The following GALNT9 variants were observed in gnomAD, a reference collection of about 807,000 sequenced individuals.
GALNT9 encodes the protein GalNAc transferase 9.
Under a neutral mutation model 63.1 loss-of-function variants are expected in GALNT9, and 47 were observed. The observed-to-expected ratio is 0.75, with a 90% CI of 0.59 to 0.95. The LOEUF (loss-of-function observed/expected upper bound fraction) is 0.95, where lower values mean the gene tolerates loss of function less well. Ranked by LOEUF, GALNT9 falls within the 40% of genes least tolerant of loss-of-function variation. The pLI, the probability that GALNT9 is intolerant of heterozygous loss-of-function variation, is 0.00. For synonymous variants in GALNT9, 396 were observed against 365.7 expected (o/e 1.08, Z -0.94); for missense variants, 829 against 874.8 (o/e 0.95, Z 0.66).
intron 1 of GALNT9, among the ~76,000 whole-genome samples, chr12:132,314,397 A>AGC (rs1294543882): frequency 6.6e-6 from 1 of 152,090 alleles, no homozygotes. Context: ...CACTCTGCCA[A>AGC]GCGCTTCATA....
chr12:132,249,573 G>T (rs1028114834), intron 5 of GALNT9, among the ~76,000 whole-genome samples: 1 of 152,176 alleles, frequency 6.6e-6, no homozygotes, highest in Admixed American at 6.5e-5. Flanking sequence ...CTTTGATTGG[G>T]TAAGTTATAG....
rs1869103584 is a variant in GALNT9 at position 132,327,842 on chromosome 12, C to A, written c.238+1124G>T. Among the ~76,000 whole-genome samples, 1 of 151,262 alleles carries A rather than the reference C, an allele frequency of 6.6e-6. No individual in the cohort carries two copies. The highest frequency in any genetic ancestry group is 2.1e-4 in the South Asian group (1 of 4,734). The stretch of plus-strand genomic sequence containing the variant: ...CACCCCACGGCCTGTCTGCAGCCCA[C>A]CCTCAAGAGAGGGTGTGGCTCCTGA... On this transcript the variant is annotated intron_variant, in intron 1 of 10. Coordinates refer to ENST00000328957, the MANE Select transcript of GALNT9 (RefSeq NM_001122636.2). This position sits in a 1 kb window ranked among gnomAD's most constrained non-coding sequence, Gnocchi z 4.3.
rs116853949 is a variant in GALNT9, at chr12:132,216,941, T to C, written c.1078-13251A>G. Among the ~76,000 whole-genome samples, 728 of 152,364 alleles carry C rather than the reference T, an allele frequency of 4.8e-3. 2 individuals are homozygous for C. The highest frequency in any genetic ancestry group is 7.8e-3 in the Non-Finnish European group (528 of 68,036). ...ATAGGTTTAGCTGTGTGACGAACTG[T>C]GTGTTTCCTTTTGGGTGTTGTGATC... On this transcript the variant is annotated intron_variant, in intron 6 of 10. Transcript: ENST00000328957.
intron 2 of GALNT9, among the ~76,000 whole-genome samples, chr12:132,270,686 C>T (rs908923136): frequency 4.7e-5 from 7 of 150,036 alleles, no homozygotes; most frequent in South Asian, 2.1e-4. Flanking sequence ...ACAGCCACAG[C>T]CATGGCCACA....
At chr12:132,298,731 T>C (rs1342161114) in intron 1 of GALNT9, among the ~76,000 whole-genome samples, 3 of 140,918 alleles carry the variant, frequency 2.1e-5, no homozygotes, top group South Asian at 2.3e-4. Context: ...CCCACTCCCA[T>C]GATAACTAAC....
chr12:132,292,855 T>C (rs997653140), intron 1 of GALNT9, among the ~76,000 whole-genome samples: 8 of 152,186 alleles, frequency 5.3e-5, no homozygotes, highest in African/African-American at 1.9e-4. Context: ...GGGACACTCA[T>C]GAGAGCTGTG....
intron 1 of GALNT9, among the ~76,000 whole-genome samples, chr12:132,307,379 A>T (rs1555244741): frequency 6.6e-6 from 1 of 152,154 alleles, no homozygotes; most frequent in East Asian, 1.9e-4. Flanking sequence ...TGGGATAAAT[A>T]ACCGATTCCA....
intron 6 of GALNT9, among the ~76,000 whole-genome samples, chr12:132,221,074 G>T (rs1877425118): frequency 9.0e-6 from 1 of 110,836 alleles, no homozygotes; most frequent in Admixed American, 1.1e-4. Flanking sequence ...AAAAAAAAAG[G>T]TCTGGGCGCG....
At chr12:132,207,915 C>A (rs562081949) in intron 6 of GALNT9, among the ~76,000 whole-genome samples, 17 of 152,184 alleles carry the variant, frequency 1.1e-4, no homozygotes, top group East Asian at 1.9e-4. Flanking sequence ...GCCCCCACCC[C>A]CCACCACGAC....
At chr12:132,209,288 A>G (rs1876853729) in intron 6 of GALNT9, among the ~76,000 whole-genome samples, 2 of 152,160 alleles carry the variant, frequency 1.3e-5, no homozygotes, top group Admixed American at 1.3e-4. Flanking sequence ...GCAGTTTGGG[A>G]GGCTGAGGTG....
chr12:132,234,677 C>T (rs1330489191), intron 6 of GALNT9, among the ~76,000 whole-genome samples: 2 of 17,976 alleles, frequency 1.1e-4, no homozygotes, highest in Non-Finnish European at 9.3e-5. Flanking sequence ...CACTCGATGG[C>T]GTGAGAGAGG....
At chr12:132,223,103 A>G (rs1877531908) in intron 6 of GALNT9, among the ~76,000 whole-genome samples, 1 of 84,360 alleles carries the variant, frequency 1.2e-5, no homozygotes, top group African/African-American at 4.9e-5. Context: ...CACACCCTAC[A>G]CAACTCGCAC....
chr12:132,224,951 C>T (rs1053465949), intron 6 of GALNT9, among the ~76,000 whole-genome samples: 2 of 149,910 alleles, frequency 1.3e-5, no homozygotes, highest in Non-Finnish European at 3.0e-5. Flanking sequence ...ACACCCCACA[C>T]ACTGTACATA....
intron 6 of GALNT9, among the ~76,000 whole-genome samples, chr12:132,224,689 C>G (rs1230286169): frequency 1.2e-5 from 1 of 86,620 alleles, no homozygotes; most frequent in Non-Finnish European, 2.5e-5. Flanking sequence ...CACTACACAC[C>G]CCACACACTG....
chr12:132,201,600 T>G (rs1157432972), intron 7 of GALNT9, among the ~76,000 whole-genome samples: 1 of 152,074 alleles, frequency 6.6e-6, no homozygotes, highest in South Asian at 2.1e-4. Flanking sequence ...CTGCACGGCA[T>G]CAGCCTGACC....
chr12:132,309,212 CG>C (rs1487585712), intron 1 of GALNT9, among the ~76,000 whole-genome samples: 1 of 152,218 alleles, frequency 6.6e-6, no homozygotes, highest in Non-Finnish European at 1.5e-5. Context: ...TCCACTTCCT[CG>C]GGAGGATCCA....
chr12:132,201,381 G>C, intron 7 of GALNT9, 120 bp from the exon 8 acceptor site: 1 of 652,028 alleles, frequency 1.5e-6, no homozygotes, highest in Non-Finnish European at 2.7e-6. Context: ...CTCCCCCCCA[G>C]TATTCAGATG....
rs61745412 is a variant in GALNT9 at position 132,199,225 on chromosome 12, C to T, written c.1446G>A (p.Ala482=). ...AGAGGATCGCCCGGTCGCCGTCCTCCGCTCCCTGGTCCAGACAGTAGGCAC... is the reference window on the plus strand; with the variant it reads ...AGAGGATCGCCCGGTCGCCGTCCTCTGCTCCCTGGTCCAGACAGTAGGCAC... ...KASAYCLDQG[A]EDGDRAILYP... Residue 482 remains alanine (A), a synonymous_variant, in exon 9 of 11, where the codon GCG becomes GCA. Coordinates refer to ENST00000328957, the MANE Select transcript of GALNT9 (RefSeq NM_001122636.2). 2,295 of 1,604,804 alleles carry T rather than the reference C, an allele frequency of 1.4e-3. 15 individuals are homozygous for T. The African/African-American group carries it at 0.018, about 12-fold the overall frequency.
intron 2 of GALNT9, among the ~76,000 whole-genome samples, chr12:132,264,448 C>T (rs1401393857): frequency 6.6e-6 from 1 of 152,254 alleles, no homozygotes; most frequent in Non-Finnish European, 1.5e-5. Context: ...TCGGGCCCGG[C>T]TTGGTCGGGG....
Sources: allele counts gnomAD v4.1 joint callset (sites outside exome capture counted in the v4.1 genomes callset), GRCh38; gene constraint gnomAD v4.1.1; non-coding constraint Gnocchi (gnomAD v3.1); transcripts MANE v1.5; gene names NCBI Gene and HGNC (gene_info 2026-07-23, HGNC 2026-07-21).